The following TRPM4 variants were observed in gnomAD, a reference collection of about 807,000 sequenced individuals.
TRPM4 encodes the protein transient receptor potential cation channel subfamily M member 4, also known as calcium-activated non-selective cation channel 1.
In TRPM4, 124 loss-of-function variants were observed where a neutral mutation model predicts 135.6. The observed-to-expected ratio is 0.91, with a 90% CI of 0.79 to 1.06. The LOEUF (loss-of-function observed/expected upper bound fraction) is 1.06. Ranked by LOEUF, TRPM4 falls within the 50% of genes least tolerant of loss-of-function variation. TRPM4 has a pLI of 0.00. For missense variants in TRPM4, 1,658 were observed against 1,671.4 expected (o/e 0.99, Z 0.14); for synonymous variants, 745 against 705.6 (o/e 1.06, Z -0.88).
rs1280013854 is a variant in TRPM4 at position 49,210,205 on chromosome 19, G to A, written c.3132-4G>A. On this transcript the variant is annotated splice_polypyrimidine_tract_variant and splice_region_variant and intron_variant, in intron 20 of 24. Coordinates refer to ENST00000252826, the MANE Select transcript of TRPM4 (RefSeq NM_017636.4). This position sits in a 1 kb window ranked among gnomAD's most constrained non-coding sequence, Gnocchi z 4.1. The stretch of plus-strand genomic sequence containing the variant: ...AAGTGACCTTTGACCTCTGGCCTTT[G>A]CAGTTACACATTCGGCAAAGTACAG... 6.2e-7 allele frequency: 1 copy of A among 1,614,196 alleles called. No homozygotes were observed. Among genetic ancestry groups the A allele is most frequent in the Middle Eastern group, 1.7e-4 (1 of 6,060 alleles).
At chr19:49,166,289 ACG>A in intron 3 of TRPM4, 74 bp downstream of exon 3, 2 of 1,470,010 alleles carry the variant, frequency 1.4e-6, no homozygotes, top group Non-Finnish European at 1.8e-6. Flanking sequence ...TGGAGCCGGG[ACG>A]CCCGCCCTGA....
At chr19:49,193,419 A>G (rs1485352254) in intron 16 of TRPM4, among the ~76,000 whole-genome samples, 1 of 152,132 alleles carries the variant, frequency 6.6e-6, no homozygotes, top group Non-Finnish European at 1.5e-5. Flanking sequence ...CCAGTGCAAT[A>G]GGGCCTATAA....
chr19:49,207,216 T>G (rs1311028547), intron 20 of TRPM4, among the ~76,000 whole-genome samples: 1 of 152,192 alleles, frequency 6.6e-6, no homozygotes, highest in African/African-American at 2.4e-5. Context: ...ATCCTTGTCT[T>G]GTCCCTGATC....
intron 9 of TRPM4, among the ~76,000 whole-genome samples, chr19:49,173,209 C>T (rs1014109979): frequency 2.0e-5 from 3 of 152,004 alleles, no homozygotes; most frequent in African/African-American, 7.3e-5. Context: ...TGCACATCCA[C>T]TGAAAATTCC....
chr19:49,183,352 C>T, intron 12 of TRPM4, 140 bp downstream of exon 12: 1 of 938,688 alleles, frequency 1.1e-6, no homozygotes, highest in Admixed American at 2.0e-5. Context: ...ATATATGCCT[C>T]CAACTGCTTC....
chr19:49,157,969 CACCCAGATTCCT>C (rs2041545769), intron 1 of TRPM4, 79 bp downstream of exon 1: 25 of 1,471,538 alleles, frequency 1.7e-5, no homozygotes, highest in Middle Eastern at 2.0e-4. Context: ...GGGCGCTGGA[CACCCAGATTCCT>C]GGGTCAGACG....
chr19:49,185,883 T>C (rs1276645546), intron 12 of TRPM4, among the ~76,000 whole-genome samples: 3 of 152,104 alleles, frequency 2.0e-5, no homozygotes, highest in Non-Finnish European at 4.4e-5. Flanking sequence ...CCCAAGTAGC[T>C]GGGATTACAG....
Position 49,197,346 on chromosome 19 carries a change from TTCTTTCTTTCTTTCTTTC to T in TRPM4, c.2645+476_2645+493del, listed in dbSNP as rs1439282763. 8.3e-3 allele frequency among the ~76,000 whole-genome samples: 1,041 copies of T among 125,826 alleles called. 10 individuals carry two copies. The highest frequency in any genetic ancestry group is 0.033 in the African/African-American group (820 of 25,040). 82.5% of individuals were successfully genotyped at this position (125,826 alleles called of 152,430 possible). A position where few individuals can be genotyped will look rare whatever the true frequency, so the allele number is the denominator to read the frequency against. On this transcript the variant is annotated intron_variant, in intron 17 of 24. Coordinates refer to ENST00000252826, the MANE Select transcript of TRPM4 (RefSeq NM_017636.4). The stretch of plus-strand genomic sequence containing the variant: ...TTTCTTTCTTTCTTTCTTTCTTTCT[TTCTTTCTTTCTTTCTTTC>T]TCTCTCTTTCTTTTCTTTCTTTCTC...
rs1264080216 is a variant in TRPM4, at chr19:49,210,098, G to C, written c.3132-111G>C. On this transcript the variant is annotated intron_variant, in intron 20 of 24. Transcript: ENST00000252826. This position sits in a 1 kb window ranked among gnomAD's most constrained non-coding sequence, Gnocchi z 4.1. ...TGTAACCTCTGACTTTAGTGATCTT[G>C]ACTTCTGTCTGCTGCTATAGACTGA... 1.7e-6 allele frequency: 2 copies of C among 1,173,498 alleles called. No individual in the cohort carries two copies. The highest frequency in any genetic ancestry group is 2.6e-6 in the Non-Finnish European group (2 of 780,728). The allele number at this position is 1,173,498 out of a possible 1,614,324, so 72.7% of individuals were successfully genotyped here.
At chr19:49,174,340 A>G (rs1967591650) in intron 9 of TRPM4, among the ~76,000 whole-genome samples, 1 of 151,814 alleles carries the variant, frequency 6.6e-6, no homozygotes, top group Non-Finnish European at 1.5e-5. Context: ...TTTAGTAGAG[A>G]CGGTGTTTCA....
rs1296616926 is a variant in TRPM4 at position 49,189,102 on chromosome 19, G to C, written c.2019+11G>C. On this transcript the variant is annotated intron_variant, in intron 14 of 24. Transcript: ENST00000252826. ...CAGGATGGGGTACAGGTGAGTATCT[G>C]CGACACCAACATCCCAAACAGTCTC... The C allele has an allele frequency of 1.2e-6, 2 of 1,613,930 alleles. No homozygotes were observed. Among genetic ancestry groups the C allele is most frequent in the African/African-American group, 2.7e-5 (2 of 74,902 alleles).
chr19:49,168,404 A>G lies in TRPM4; in HGVS notation c.593A>G (p.Asp198Gly), dbSNP rs751304635. The G allele has an allele frequency of 1.2e-6, 2 of 1,613,882 alleles. No individual in the cohort carries two copies. Among genetic ancestry groups the G allele is most frequent in the South Asian group, 1.1e-5 (1 of 91,072 alleles). ...CCCTGGGGTGTGGTCCGGAATAGAG[A>G]CACCCTCATCAACCCCAAGGTGTGA... ...VAPWGVVRNR[D>G]TLINPKGSFP... is the part of the protein sequence containing the mutation. The change falls in exon 5 of 25, where the codon GAC becomes GGC. Residue 198 changes from aspartate to glycine, a missense_variant. Transcript: ENST00000252826.
chr19:49,198,738 A>G (rs558786370), intron 17 of TRPM4, among the ~76,000 whole-genome samples: 1 of 149,804 alleles, frequency 6.7e-6, no homozygotes, highest in African/African-American at 2.4e-5. Flanking sequence ...TTCCCTCTAG[A>G]TGGACATTTA....
chr19:49,200,487 A>C, intron 18 of TRPM4, 55 bp downstream of exon 18: 2 of 1,016,684 alleles, frequency 2.0e-6, no homozygotes, highest in Non-Finnish European at 2.8e-6. Flanking sequence ...GGGTGGGGCC[A>C]GGGAGGGAGT....
chr19:49,159,304 AC>A (rs1329939159), intron 2 of TRPM4: 1 of 151,762 alleles, frequency 6.6e-6, no homozygotes, highest in Non-Finnish European at 1.5e-5. Context: ...TACTGGGATT[AC>A]AGGCGTGAGC....
At chr19:49,170,752 C>T (rs567655544) in intron 6 of TRPM4, among the ~76,000 whole-genome samples, 2 of 152,234 alleles carry the variant, frequency 1.3e-5, no homozygotes, top group South Asian at 4.2e-4. Flanking sequence ...GCATTACTGT[C>T]TTCAAAATCT....
intron 20 of TRPM4, among the ~76,000 whole-genome samples, chr19:49,204,189 G>A (rs995633065): frequency 5.9e-5 from 9 of 152,232 alleles, no homozygotes; most frequent in African/African-American, 1.9e-4. Context: ...TCTGCCTTTT[G>A]GCTATTGTGA....
Position 49,196,550 on chromosome 19 carries a change from A to C in TRPM4, c.2321A>C (p.His774Pro), listed in dbSNP as rs893463796. ...GGRRCLRRWF[H>P]FWGAPVTIFM... Reference sequence around the variant, plus strand: ...CGCCGGTGCCTACGCCGCTGGTTCCACTTCTGGGGCGCGCCGGTGACCATC... The same window carrying C: ...CGCCGGTGCCTACGCCGCTGGTTCCCCTTCTGGGGCGCGCCGGTGACCATC... The change falls in exon 17 of 25, where the codon CAC becomes CCC. Residue 774 changes from histidine (H) to proline (P), a missense_variant. By Grantham distance (77) the His-to-Pro change is moderately conservative (BLOSUM62 -2). Coordinates refer to ENST00000252826, the MANE Select transcript of TRPM4 (RefSeq NM_017636.4). 13 of 1,554,724 alleles carry C rather than the reference A, an allele frequency of 8.4e-6. No homozygotes were observed. The highest frequency in any genetic ancestry group is 2.7e-5 in the African/African-American group (2 of 73,458).
intron 16 of TRPM4, among the ~76,000 whole-genome samples, chr19:49,193,953 C>G (rs975266877): frequency 1.3e-5 from 2 of 151,222 alleles, no homozygotes; most frequent in Admixed American, 1.3e-4. Context: ...CCTCCTTCTC[C>G]TCCTCTTCCT....
Sources: gnomAD v4.1 joint callset for allele counts (sites outside exome capture counted in the v4.1 genomes callset) on GRCh38, gnomAD v4.1.1 for gene constraint, Gnocchi (gnomAD v3.1) non-coding constraint, MANE v1.5 for transcripts, NCBI Gene and HGNC (gene_info 2026-07-23, HGNC 2026-07-21) for gene names.